CD8B2: variants seen among roughly 807,000 people sequenced by gnomAD.
CD8B2 encodes the protein T-cell surface glycoprotein CD8 beta-2 chain.
In CD8B2, 11 loss-of-function variants were observed where a neutral mutation model predicts 23.7. That is an observed-to-expected ratio of 0.46 (90% CI 0.29 to 0.77). The LOEUF (loss-of-function observed/expected upper bound fraction) is 0.77. Among genes scored for constraint, CD8B2 ranks in the 30% least tolerant of loss-of-function variants. CD8B2 has a pLI of 0.09. For synonymous variants in CD8B2, 90 were observed against 109.3 expected (o/e 0.82, Z 1.10); for missense variants, 197 against 270.5 (o/e 0.73, Z 1.91).
intron 5 of CD8B2, among the ~76,000 whole-genome samples, chr2:106,530,753 G>A (rs1573350358): frequency 6.6e-6 from 1 of 152,136 alleles, no homozygotes; most frequent in African/African-American, 2.4e-5. Flanking sequence ...CAAGACACAG[G>A]TCATAAAGAC....
At chr2:106,505,044 G>T (rs1679479352) in intron 5 of CD8B2, among the ~76,000 whole-genome samples, 2 of 152,294 alleles carry the variant, frequency 1.3e-5, no homozygotes, top group South Asian at 2.1e-4. Flanking sequence ...GGCTGGGCTG[G>T]GACCTTTAGT....
intron 5 of CD8B2, among the ~76,000 whole-genome samples, chr2:106,532,213 C>A (rs191815259): frequency 1.3e-5 from 2 of 152,300 alleles, no homozygotes; most frequent in Admixed American, 6.5e-5. Flanking sequence ...AATCCCATTA[C>A]GACTGGTTGT....
At chr2:106,503,822 G>T (rs967639943) in intron 4 of CD8B2, among the ~76,000 whole-genome samples, 1 of 152,158 alleles carries the variant, frequency 6.6e-6, no homozygotes, top group African/African-American at 2.4e-5. Context: ...AATGTCAATA[G>T]ACATGCTTTT....
In CD8B2 at chr2:106,506,908, C is replaced by T. The variant is rs1679517704; in HGVS notation, c.621-20C>T. The T allele has an allele frequency of 3.2e-6, 5 of 1,576,314 alleles. No individual in the cohort carries two copies. The Middle Eastern group carries it at 5.1e-4, about 160-fold the overall frequency. On this transcript the variant is annotated intron_variant, in intron 5 of 5. Coordinates refer to ENST00000643224, the MANE Select transcript of CD8B2 (RefSeq NM_001349727.2). ...GTTTGCCTGAAAATAAGTGGTTTCA[C>T]AACTTGCTGTTGTTTTCAGATTTTA... is the stretch of plus-strand genomic sequence containing the variant.
chr2:106,496,969 A>G (rs2104553681), intron 3 of CD8B2, among the ~76,000 whole-genome samples: 1 of 152,384 alleles, frequency 6.6e-6, no homozygotes, highest in South Asian at 2.1e-4. Flanking sequence ...TCAAAGGACC[A>G]GCACTTTAAA....
chr2:106,514,162 G>T (rs1239084061), downstream of CD8B2, among the ~76,000 whole-genome samples: 1 of 146,948 alleles, frequency 6.8e-6, no homozygotes, highest in South Asian at 2.1e-4. Flanking sequence ...GCACAGAAAG[G>T]AGCTTATCAG....
chr2:106,522,588 C>A (rs992468473), intron 5 of CD8B2, among the ~76,000 whole-genome samples: 2 of 152,108 alleles, frequency 1.3e-5, no homozygotes, highest in Non-Finnish European at 2.9e-5. Context: ...TCTGGGGTCC[C>A]TTTAGCAGCT....
At chr2:106,537,473 CTTAATT>C (rs919214338) in intron 5 of CD8B2, among the ~76,000 whole-genome samples, 9 of 152,228 alleles carry the variant, frequency 5.9e-5, no homozygotes, top group African/African-American at 2.2e-4. Flanking sequence ...GCTTATCTTA[CTTAATT>C]TTAAGTACAG....
intron 5 of CD8B2, among the ~76,000 whole-genome samples, chr2:106,535,602 G>A (rs1680075019): frequency 1.3e-5 from 2 of 152,102 alleles, no homozygotes; most frequent in Admixed American, 1.3e-4. Flanking sequence ...ATTCTTGTGT[G>A]TTCCTTTGTT....
At chr2:106,500,544 A>ATAAATAAATAAATAAAT (rs1679385909) in intron 3 of CD8B2, among the ~76,000 whole-genome samples, 72 of 144,266 alleles carry the variant, frequency 5.0e-4, no homozygotes, top group South Asian at 1.3e-3. Flanking sequence ...AAATAAATAA[A>ATAAATAAATAAATAAAT]TAAATAAATA....
At chr2:106,534,820 C>T (rs1318410154) in intron 5 of CD8B2, among the ~76,000 whole-genome samples, 1 of 18,172 alleles carries the variant, frequency 5.5e-5, no homozygotes, top group African/African-American at 1.6e-4. Flanking sequence ...TTTTTGAGAC[C>T]TAATGTTTGT....
Position 106,526,939 on chromosome 2 carries a change from G to A in CD8B2, c.621-17053G>A, listed in dbSNP as rs190213165. Among the ~76,000 whole-genome samples, 442 of 152,308 alleles carry A rather than the reference G, an allele frequency of 2.9e-3. 2 individuals are homozygous for A. Among genetic ancestry groups the A allele is most frequent in the Admixed American group, 6.9e-3 (105 of 15,302 alleles). The stretch of plus-strand genomic sequence containing the variant: ...TTACAGGCGTGAGCCATGGCACCCC[G>A]CTGAATATATCATTCTTTACTTATC... On this transcript the variant is annotated intron_variant, in intron 5 of 5. Coordinates refer to the CD8B2 transcript ENST00000416057.
At chr2:106,490,812 T>C in intron 1 of CD8B2, 62 bp from the exon 2 acceptor site, 1 of 1,539,642 alleles carries the variant, frequency 6.5e-7, no homozygotes, top group Non-Finnish European at 8.7e-7. Flanking sequence ...TCAGTGTGAC[T>C]GCGAGGTCCC....
intron 5 of CD8B2, among the ~76,000 whole-genome samples, chr2:106,540,356 C>G (rs1044325435): frequency 6.6e-6 from 1 of 152,028 alleles, no homozygotes; most frequent in Non-Finnish European, 1.5e-5. Flanking sequence ...TGACAATTAG[C>G]CCTAGGAGAC....
At chr2:106,536,474 G>T (rs1680092848) in intron 5 of CD8B2, among the ~76,000 whole-genome samples, 1 of 152,120 alleles carries the variant, frequency 6.6e-6, no homozygotes, top group East Asian at 1.9e-4. Context: ...ATGACATTTG[G>T]GCAGGGACAC....
At chr2:106,531,809 A>G (rs1014327414) in intron 5 of CD8B2, among the ~76,000 whole-genome samples, 2 of 152,186 alleles carry the variant, frequency 1.3e-5, no homozygotes, top group South Asian at 4.2e-4. Flanking sequence ...CAAGGTCTAC[A>G]TGAAGGGAAC....
At position 106,507,829 on chromosome 2, in the gene CD8B2, C is replaced by T. The variant is rs1004093458; in HGVS notation, c.*889C>T. On this transcript the variant is annotated 3_prime_UTR_variant, in exon 6 of 6. Coordinates refer to ENST00000643224, the MANE Select transcript of CD8B2 (RefSeq NM_001349727.2). ...GGAGAGTCCTAGAGAGGCTAGGAAG[C>T]GCCCAGGGCACCCAGAGCCAGGCTG... The T allele has an allele frequency of 1.7e-5, 3 of 172,566 alleles. No individual in the cohort carries two copies. Among genetic ancestry groups the T allele is most frequent in the Admixed American group, 6.6e-5 (1 of 15,226 alleles). The allele number at this position is 172,566 out of a possible 1,614,324, so 10.7% of individuals were successfully genotyped here.
At chr2:106,522,895 T>C (rs1398992083) in intron 5 of CD8B2, among the ~76,000 whole-genome samples, 1 of 152,154 alleles carries the variant, frequency 6.6e-6, no homozygotes, top group Non-Finnish European at 1.5e-5. Flanking sequence ...TCAGAGAATG[T>C]GCTCCAGGGC....
chr2:106,543,284 G>T (rs1680205620), intron 5 of CD8B2: 1 of 152,170 alleles, frequency 6.6e-6, no homozygotes, highest in Non-Finnish European at 1.5e-5. Context: ...TACTTTGGGA[G>T]GCTGAGGCCT....
Sources: allele counts gnomAD v4.1 joint callset (sites outside exome capture counted in the v4.1 genomes callset), GRCh38; gene constraint gnomAD v4.1.1; transcripts MANE v1.5; gene names NCBI Gene and HGNC (gene_info 2026-07-23, HGNC 2026-07-21).